DAB1: variants seen among roughly 807,000 people sequenced by gnomAD.
DAB1 encodes the protein disabled homolog 1.
Under a neutral mutation model 64.6 loss-of-function variants are expected in DAB1, and 15 were observed. The ratio of observed to expected loss-of-function variants is 0.23; its 90% CI spans 0.16 to 0.36. DAB1 has a LOEUF of 0.36. Among genes scored for constraint, DAB1 ranks in the 10% least tolerant of loss-of-function variants. The probability of loss-of-function intolerance (pLI) is 1.00; values close to 1 mark genes in which losing one functional copy is unlikely to be tolerated. For missense variants in DAB1, 596 were observed against 706.7 expected (o/e 0.84, Z 1.78); for synonymous variants, 235 against 251.9 (o/e 0.93, Z 0.64).
At chr1:57,599,613 T>C (rs528995788) in intron 7 of DAB1, among the ~76,000 whole-genome samples, 1 of 152,168 alleles carries the variant, frequency 6.6e-6, no homozygotes, top group South Asian at 2.1e-4. Context: ...TTACTGACAG[T>C]TGGGTGTGAT....
At chr1:57,266,573 C>T (rs191145580) in intron 2 of DAB1, among the ~76,000 whole-genome samples, 3 of 152,256 alleles carry the variant, frequency 2.0e-5, no homozygotes, top group Admixed American at 2.0e-4. Flanking sequence ...TATAAAGGTG[C>T]TTATCATACT....
intron 2 of DAB1, among the ~76,000 whole-genome samples, chr1:57,165,755 C>T (rs1661164727): frequency 6.6e-6 from 1 of 152,180 alleles, no homozygotes; most frequent in African/African-American, 2.4e-5. Flanking sequence ...CAGAATTCAC[C>T]CCAGCTATGT....
At chr1:58,108,138 G>T (rs947907685) in intron 5 of DAB1, among the ~76,000 whole-genome samples, 4 of 152,118 alleles carry the variant, frequency 2.6e-5, no homozygotes, top group Non-Finnish European at 5.9e-5. Flanking sequence ...GAGCCCTGGC[G>T]GGATTTTCAG....
At chr1:57,502,148 G>A (rs564290494) in intron 7 of DAB1, among the ~76,000 whole-genome samples, 1 of 151,864 alleles carries the variant, frequency 6.6e-6, no homozygotes, top group African/African-American at 2.4e-5. Context: ...GTGAAACCCC[G>A]TCTCTACTGA....
chr1:58,046,261 T>A (rs1245328930), intron 5 of DAB1, among the ~76,000 whole-genome samples: 1 of 152,204 alleles, frequency 6.6e-6, no homozygotes, highest in Non-Finnish European at 1.5e-5. Context: ...AAGATAAATA[T>A]TTTTCCTAGT....
chr1:58,342,158 C>A (rs766619946), intron 4 of DAB1, among the ~76,000 whole-genome samples: 1 of 152,130 alleles, frequency 6.6e-6, no homozygotes, highest in African/African-American at 2.4e-5. Context: ...AGTGTGAGTT[C>A]CACTGTTTTG....
intron 5 of DAB1, among the ~76,000 whole-genome samples, chr1:57,968,989 C>T (rs1305521270): frequency 6.6e-6 from 1 of 152,110 alleles, no homozygotes; most frequent in Admixed American, 6.6e-5. Context: ...AGAGGCAATG[C>T]ACTAATATGT....
At chr1:58,400,846 T>C (rs948054611) in intron 3 of DAB1, among the ~76,000 whole-genome samples, 6 of 152,204 alleles carry the variant, frequency 3.9e-5, no homozygotes, top group Non-Finnish European at 8.8e-5. Context: ...TTGGGAATAA[T>C]TACGCATTTT....
At chr1:58,436,945 C>T (rs867232176) in intron 3 of DAB1, among the ~76,000 whole-genome samples, 28 of 152,330 alleles carry the variant, frequency 1.8e-4, no homozygotes, top group Middle Eastern at 3.4e-3. Context: ...CCATTTGTCA[C>T]CTAAACATTC....
At chr1:57,630,456 G>A (rs1369388727) in intron 7 of DAB1, among the ~76,000 whole-genome samples, 5 of 152,144 alleles carry the variant, frequency 3.3e-5, no homozygotes, top group Non-Finnish European at 7.4e-5. Flanking sequence ...AGAAAAAAAT[G>A]TTAGTTATTT....
intron 2 of DAB1, among the ~76,000 whole-genome samples, chr1:57,147,322 CA>C (rs1350291660): frequency 6.6e-6 from 1 of 151,278 alleles, no homozygotes; most frequent in African/African-American, 2.4e-5. Flanking sequence ...ATTATAAGCC[CA>C]GTAAAAGAAG....
At chr1:58,393,524 C>T (rs1569722758) in intron 3 of DAB1, among the ~76,000 whole-genome samples, 1 of 152,136 alleles carries the variant, frequency 6.6e-6, no homozygotes, top group Admixed American at 6.6e-5. Flanking sequence ...AGATAATTAA[C>T]GAACCTCAGG....
intron 2 of DAB1, among the ~76,000 whole-genome samples, chr1:57,243,858 G>A (rs1193627492): frequency 6.6e-6 from 1 of 152,098 alleles, no homozygotes; most frequent in South Asian, 2.1e-4. Flanking sequence ...AAATTAAAAG[G>A]ACATCAGCCT....
intron 2 of DAB1, among the ~76,000 whole-genome samples, chr1:57,149,071 T>C (rs978532233): frequency 1.3e-5 from 2 of 152,228 alleles, no homozygotes; most frequent in Non-Finnish European, 2.9e-5. Context: ...TTGCCTATTC[T>C]AGACATTTAT....
intron 3 of DAB1, among the ~76,000 whole-genome samples, chr1:58,350,608 T>C (rs1421454733): frequency 1.3e-5 from 2 of 152,236 alleles, no homozygotes; most frequent in Non-Finnish European, 2.9e-5. Context: ...CGTTTAAGTC[T>C]TTAATCCATC....
intron 4 of DAB1, among the ~76,000 whole-genome samples, chr1:58,201,394 G>A (rs180958511): frequency 1.1e-3 from 170 of 152,206 alleles, no homozygotes; most frequent in African/African-American, 3.8e-3. Flanking sequence ...TGGACATAGC[G>A]CTCTTTCTAA....
At chr1:57,843,611 C>T (rs767699252) in intron 1 of DAB1, among the ~76,000 whole-genome samples, 4 of 152,060 alleles carry the variant, frequency 2.6e-5, no homozygotes, top group Non-Finnish European at 5.9e-5. Flanking sequence ...CCAGATTCAC[C>T]AATTTAGAAG....
chr1:57,142,521 T>C (rs142739724), intron 3 of DAB1, among the ~76,000 whole-genome samples: 34 of 151,778 alleles, frequency 2.2e-4, no homozygotes, highest in African/African-American at 8.2e-4. Flanking sequence ...CAGGAGTATG[T>C]TATAGTAGGA....
chr1:57,940,584 C>T (rs1645089227), intron 5 of DAB1, among the ~76,000 whole-genome samples: 1 of 152,210 alleles, frequency 6.6e-6, no homozygotes, highest in African/African-American at 2.4e-5. Flanking sequence ...TGTTAACAGG[C>T]AGATTCTGGT....
Sources: gnomAD v4.1 joint callset for allele counts (sites outside exome capture counted in the v4.1 genomes callset) on GRCh38, gnomAD v4.1.1 for gene constraint, MANE v1.5 for transcripts, NCBI Gene and HGNC (gene_info 2026-07-23, HGNC 2026-07-21) for gene names.